PADI3: variants seen among roughly 807,000 people sequenced by gnomAD.
PADI3 encodes protein-arginine deiminase type-3.
In PADI3, 53 loss-of-function variants were observed where a neutral mutation model predicts 71.5. The ratio of observed to expected loss-of-function variants is 0.74; its 90% CI spans 0.59 to 0.93. The LOEUF is 0.93. Among genes scored for constraint, PADI3 ranks in the 40% least tolerant of loss-of-function variants. The probability of loss-of-function intolerance (pLI) is 0.00; values close to 1 mark genes in which losing one functional copy is unlikely to be tolerated. For missense variants in PADI3, 821 were observed against 868.0 expected (o/e 0.95, Z 0.68); for synonymous variants, 361 against 347.5 (o/e 1.04, Z -0.43).
At chr1:17,282,039 C>T (rs2073408029) in intron 15 of PADI3, among the ~76,000 whole-genome samples, 1 of 152,194 alleles carries the variant, frequency 6.6e-6, no homozygotes, top group South Asian at 2.1e-4. Context: ...TGCTTCATGC[C>T]CCGCTTTTTC....
chr1:17,278,342 C>T (rs1003440075), intron 13 of PADI3, among the ~76,000 whole-genome samples: 3 of 152,112 alleles, frequency 2.0e-5, no homozygotes, highest in East Asian at 1.9e-4. Flanking sequence ...AGTCTCCCAC[C>T]GCAGCCTTGC....
At chr1:17,274,601 C>T (rs1557511543) in intron 10 of PADI3, 34 bp from the exon 11 acceptor site, 3 of 1,587,430 alleles carry the variant, frequency 1.9e-6, no homozygotes, top group East Asian at 4.5e-5. Context: ...TCCTGGTACC[C>T]TCCACCCCCG....
intron 12 of PADI3, 22 bp downstream of exon 12, chr1:17,276,685 TG>T: frequency 6.2e-7 from 1 of 1,613,872 alleles, no homozygotes. Context: ...GTGCATGACG[TG>T]TCTTTCCCTG....
intron 12 of PADI3, 36 bp from the exon 13 acceptor site, chr1:17,276,738 G>A: frequency 1.2e-6 from 2 of 1,613,702 alleles, no homozygotes; most frequent in Non-Finnish European, 1.7e-6. Flanking sequence ...CCATGCCAAG[G>A]CAGGAGGCTC....
chr1:17,269,695 G>A (rs1201575917), intron 6 of PADI3, among the ~76,000 whole-genome samples: 1 of 152,020 alleles, frequency 6.6e-6, no homozygotes, highest in Non-Finnish European at 1.5e-5. Context: ...TTGGCTCACT[G>A]CAACCTCCGC....
chr1:17,265,597 T>C, intron 3 of PADI3, 62 bp from the exon 4 acceptor site: 1 of 1,467,394 alleles, frequency 6.8e-7, no homozygotes, highest in South Asian at 1.1e-5. Flanking sequence ...AGCCCTGAGA[T>C]CAAGGCCTGC....
chr1:17,261,323 G>C (rs1478760356), intron 2 of PADI3, among the ~76,000 whole-genome samples: 2 of 152,216 alleles, frequency 1.3e-5, no homozygotes, highest in Admixed American at 1.3e-4. Context: ...CGGGCACCGA[G>C]CTGCATGTGC....
chr1:17,269,742 T>C (rs969596333), intron 6 of PADI3, among the ~76,000 whole-genome samples: 1 of 151,998 alleles, frequency 6.6e-6, no homozygotes, highest in Non-Finnish European at 1.5e-5. Flanking sequence ...CTAAGCCTCC[T>C]GAGTAGCTGG....
chr1:17,252,400 C>CT (rs55649122), intron 1 of PADI3, among the ~76,000 whole-genome samples: 47,178 of 118,800 alleles, frequency 0.4, 9,808 homozygotes, highest in East Asian at 0.53. Context: ...TTTTCTTCTT[C>CT]TTTTTTTTTT....
intron 13 of PADI3, among the ~76,000 whole-genome samples, chr1:17,278,155 C>T (rs1321630490): frequency 6.6e-6 from 1 of 152,210 alleles, no homozygotes; most frequent in Non-Finnish European, 1.5e-5. Flanking sequence ...GAGAGAGACT[C>T]GGGGACAAAG....
At chr1:17,269,909 G>A (rs1180841373) in intron 6 of PADI3, among the ~76,000 whole-genome samples, 10 of 152,246 alleles carry the variant, frequency 6.6e-5, no homozygotes, top group South Asian at 2.1e-4. Context: ...ATGAGCCACC[G>A]TGCCCAGCCT....
chr1:17,267,792 G>A (rs1271247678), intron 5 of PADI3, 45 bp from the exon 6 acceptor site: 4 of 1,605,886 alleles, frequency 2.5e-6, no homozygotes, highest in East Asian at 2.2e-5. Flanking sequence ...AGGGGCCAGG[G>A]GCCAGGACTC....
Position 17,270,366 on chromosome 1 carries a change from A to T in PADI3, c.786A>T (p.Thr262=). The change falls in exon 7 of 16, where the codon ACA becomes ACT. Residue 262 remains threonine, a synonymous_variant. Transcript: ENST00000375460. ...EGLSFPDAGF[T]GLISFHVTLL... ...TGTCCTTCCCTGATGCCGGCTTCAC[A>T]GGACTCATCTCCTTCCATGTCACTC... is the stretch of plus-strand genomic sequence containing the variant. 1.2e-6 allele frequency: 2 copies of T among 1,613,960 alleles called. No individual in the cohort carries two copies. The highest frequency in any genetic ancestry group is 1.7e-6 in the Non-Finnish European group (2 of 1,179,958).
intron 5 of PADI3, 51 bp from the exon 6 acceptor site, chr1:17,267,786 G>A: frequency 6.2e-7 from 1 of 1,601,774 alleles, no homozygotes. Context: ...AGAGGAAGGG[G>A]CCAGGGGCCA....
intron 14 of PADI3, 72 bp downstream of exon 14, chr1:17,280,501 A>C: frequency 1.3e-6 from 2 of 1,487,462 alleles, no homozygotes; most frequent in Non-Finnish European, 1.9e-6. Flanking sequence ...GATGGGATAC[A>C]GACATCTGAG....
intron 1 of PADI3, among the ~76,000 whole-genome samples, chr1:17,254,718 T>A (rs1411582140): frequency 0.038 from 3,113 of 81,162 alleles, 109 homozygotes; most frequent in African/African-American, 0.14. Context: ...GGCTCCAGCA[T>A]TTTTTTTTTT....
At chr1:17,275,077 T>G (rs2073310303) in intron 11 of PADI3, among the ~76,000 whole-genome samples, 1 of 152,006 alleles carries the variant, frequency 6.6e-6, no homozygotes, top group South Asian at 2.1e-4. Context: ...AAAGCAAAGT[T>G]ATAACTAGAC....
chr1:17,250,461 C>A (rs1460140166), intron 1 of PADI3, among the ~76,000 whole-genome samples: 2 of 152,158 alleles, frequency 1.3e-5, no homozygotes, highest in Non-Finnish European at 2.9e-5. Flanking sequence ...GTCTCCAAGA[C>A]TAAGACTCGA....
At chr1:17,273,856 A>G (rs1297767739) in intron 10 of PADI3, among the ~76,000 whole-genome samples, 1 of 152,124 alleles carries the variant, frequency 6.6e-6, no homozygotes, top group East Asian at 1.9e-4. Flanking sequence ...TGCGTGAGTT[A>G]CTACCGCTCT....
Sources: allele counts gnomAD v4.1 joint callset (sites outside exome capture counted in the v4.1 genomes callset), GRCh38; gene constraint gnomAD v4.1.1; transcripts MANE v1.5; gene names NCBI Gene and HGNC (gene_info 2026-07-23, HGNC 2026-07-21).